The following KIAA1958 variants were observed in gnomAD, a reference collection of about 807,000 sequenced individuals.
The protein encoded by KIAA1958 is uncharacterized protein KIAA1958.
Under a neutral mutation model 47.2 loss-of-function variants are expected in KIAA1958, and 14 were observed. The ratio of observed to expected loss-of-function variants is 0.30; its 90% confidence interval spans 0.20 to 0.46. The LOEUF is 0.46. Ranked by LOEUF, KIAA1958 falls within the 20% of genes least tolerant of loss-of-function variation. KIAA1958 has a pLI of 1.00. For synonymous variants in KIAA1958, 354 were observed against 353.3 expected (o/e 1.00, Z -0.02); for missense variants, 803 against 909.2 (o/e 0.88, Z 1.50).
At chr9:112,521,988 T>TA (rs57900958) in intron 1 of KIAA1958, among the ~76,000 whole-genome samples, 1 of 152,002 alleles carries the variant, frequency 6.6e-6, no homozygotes, top group Non-Finnish European at 1.5e-5. Flanking sequence ...TTTATTTATT[T>TA]TGAGACGAGT....
chr9:112,554,197 C>T (rs1056344669), intron 1 of KIAA1958, among the ~76,000 whole-genome samples: 3 of 152,124 alleles, frequency 2.0e-5, no homozygotes, highest in South Asian at 2.1e-4. Flanking sequence ...AAGGCACTTA[C>T]ATTAGTTAAT....
chr9:112,552,718 G>A (rs1835171850), intron 1 of KIAA1958, among the ~76,000 whole-genome samples: 1 of 152,154 alleles, frequency 6.6e-6, no homozygotes, highest in Admixed American at 6.5e-5. Context: ...GATATTCTGG[G>A]GTTGCATGTG....
At chr9:112,542,793 A>C (rs1048596939) in intron 1 of KIAA1958, among the ~76,000 whole-genome samples, 2 of 151,872 alleles carry the variant, frequency 1.3e-5, no homozygotes, top group African/African-American at 4.9e-5. Flanking sequence ...GAGTGTTCAG[A>C]ACAGACTGAT....
rs188756685 is a variant in KIAA1958, at chr9:112,588,800, C to T, written c.1171+13549C>T. Among the ~76,000 whole-genome samples the T allele has an allele frequency of 9.9e-5, 15 of 152,232 alleles. No individual in the cohort carries two copies. The South Asian group carries it at 1.2e-3, about 13-fold the overall frequency. ...TCCCCCAACCCTGAGGTTTTCCCTG[C>T]GTTGATCCACTGTTCCCCTAACTTC... On this transcript the variant is annotated intron_variant, in intron 2 of 3. Transcript: ENST00000337530.
chr9:112,623,967 TTTTC>T (rs2131222032), intron 2 of KIAA1958, among the ~76,000 whole-genome samples: 2 of 152,308 alleles, frequency 1.3e-5, no homozygotes, highest in East Asian at 3.9e-4. Flanking sequence ...TTCTGACTGA[TTTTC>T]TTTATCTATA....
chr9:112,554,895 G>T (rs142078286), intron 1 of KIAA1958, among the ~76,000 whole-genome samples: 99 of 152,166 alleles, frequency 6.5e-4, no homozygotes, highest in African/African-American at 2.3e-3. Flanking sequence ...CTGAGCCCAG[G>T]GGTCTTAAAA....
At chr9:112,565,611 A>G (rs571965130) in intron 1 of KIAA1958, among the ~76,000 whole-genome samples, 1 of 152,360 alleles carries the variant, frequency 6.6e-6, no homozygotes, top group Admixed American at 6.5e-5. Context: ...CAGAATTTAA[A>G]AAATACCTTG....
Position 112,570,776 on chromosome 9 carries a change from C to G in KIAA1958, c.-24-3281C>G, listed in dbSNP as rs114575213. Among the ~76,000 whole-genome samples the G allele has an allele frequency of 5.0e-3, 767 of 152,202 alleles. 7 individuals carry two copies. Among genetic ancestry groups the G allele is most frequent in the African/African-American group, 0.018 (734 of 41,526 alleles). Reference sequence around the variant, plus strand: ...CATTTATTAGGGGAATTGGCTCATGCGATTATGTGGCTGAGAAGTCTTACA... The same window carrying G: ...CATTTATTAGGGGAATTGGCTCATGGGATTATGTGGCTGAGAAGTCTTACA... On this transcript the variant is annotated intron_variant, in intron 1 of 3. Transcript: ENST00000337530.
At chr9:112,611,217 A>C (rs1454327172) in intron 2 of KIAA1958, among the ~76,000 whole-genome samples, 1 of 152,120 alleles carries the variant, frequency 6.6e-6, no homozygotes, top group Non-Finnish European at 1.5e-5. Flanking sequence ...TTCTAGAGGT[A>C]CCTATTTTGG....
At chr9:112,613,736 A>T (rs984823207) in intron 2 of KIAA1958, among the ~76,000 whole-genome samples, 2 of 152,220 alleles carry the variant, frequency 1.3e-5, no homozygotes, top group Non-Finnish European at 2.9e-5. Flanking sequence ...GTACCACTAC[A>T]TGCCCAGAAT....
At chr9:112,580,855 C>T (rs2131180454) in intron 2 of KIAA1958, among the ~76,000 whole-genome samples, 1 of 151,882 alleles carries the variant, frequency 6.6e-6, no homozygotes, top group East Asian at 1.9e-4. Context: ...TAACCTTTTC[C>T]TGTAGTTTCC....
At chr9:112,538,448 A>G (rs1352490346) in intron 1 of KIAA1958, among the ~76,000 whole-genome samples, 9 of 152,222 alleles carry the variant, frequency 5.9e-5, no homozygotes, top group Admixed American at 2.0e-4. Flanking sequence ...CAAAATGAGT[A>G]GGTGAAAATA....
intron 1 of KIAA1958, among the ~76,000 whole-genome samples, chr9:112,544,618 A>G (rs1481861839): frequency 6.6e-6 from 1 of 152,238 alleles, no homozygotes; most frequent in Non-Finnish European, 1.5e-5. Flanking sequence ...ATTAAAAGTC[A>G]GAGCTCTGTA....
chr9:112,604,885 C>T (rs1283059776), intron 2 of KIAA1958, among the ~76,000 whole-genome samples: 1 of 146,656 alleles, frequency 6.8e-6, no homozygotes, highest in Admixed American at 6.9e-5. Context: ...GGCGTGGACA[C>T]TATATATATA....
At chr9:112,566,410 A>C (rs946740093) in intron 1 of KIAA1958, among the ~76,000 whole-genome samples, 1 of 152,142 alleles carries the variant, frequency 6.6e-6, no homozygotes, top group South Asian at 2.1e-4. Flanking sequence ...CCCCGCCTTT[A>C]CAATTTGGTG....
At chr9:112,651,370 T>A (rs761045010) in intron 3 of KIAA1958, among the ~76,000 whole-genome samples, 27 of 148,550 alleles carry the variant, frequency 1.8e-4, no homozygotes, top group South Asian at 8.4e-4. Context: ...ATATATATAT[T>A]TTTTATATTT....
intron 1 of KIAA1958, among the ~76,000 whole-genome samples, chr9:112,500,758 A>G (rs1834121426): frequency 6.6e-6 from 1 of 152,178 alleles, no homozygotes; most frequent in Admixed American, 6.5e-5. Context: ...AGTTCTGTAT[A>G]ATATTTTTGA....
chr9:112,562,131 A>G (rs1178880368), intron 1 of KIAA1958, among the ~76,000 whole-genome samples: 1 of 152,146 alleles, frequency 6.6e-6, no homozygotes. Context: ...TTGTGAGTGT[A>G]TTGCACTATA....
At chr9:112,529,737 G>C (rs1412468100) in intron 1 of KIAA1958, among the ~76,000 whole-genome samples, 1 of 152,182 alleles carries the variant, frequency 6.6e-6, no homozygotes, top group African/African-American at 2.4e-5. Context: ...CTGAGGTAGT[G>C]TTTGTCAGGC....
Sources: allele counts gnomAD v4.1 joint callset (sites outside exome capture counted in the v4.1 genomes callset), GRCh38; gene constraint gnomAD v4.1.1; transcripts MANE v1.5; gene names NCBI Gene and HGNC (gene_info 2026-07-23, HGNC 2026-07-21).